GPRIN3: variants seen among roughly 807,000 people sequenced by gnomAD.
GPRIN3 encodes the protein GPRIN family member 3, also known as G protein-regulated inducer of neurite outgrowth 3.
GPRIN3 carries 12 observed loss-of-function variants against 13.7 expected under a neutral mutation model. The ratio of observed to expected loss-of-function variants is 0.87; its 90% confidence interval spans 0.56 to 1.42. The LOEUF is 1.42. Ranked by LOEUF, GPRIN3 falls within the 40% of genes most tolerant of loss-of-function variation. GPRIN3 has a pLI of 0.00. For missense variants in GPRIN3, 1,009 were observed against 958.7 expected (o/e 1.05, Z -0.69); for synonymous variants, 377 against 372.7 (o/e 1.01, Z -0.13).
chr4:89,278,028 A>C (rs1290078113), intron 1 of GPRIN3, among the ~76,000 whole-genome samples: 1 of 152,034 alleles, frequency 6.6e-6, no homozygotes, highest in Non-Finnish European at 1.5e-5. Flanking sequence ...TCAGTTAGCT[A>C]TTGCTGCAAT....
chr4:89,295,951 T>C (rs1169478320), intron 1 of GPRIN3, among the ~76,000 whole-genome samples: 1 of 152,216 alleles, frequency 6.6e-6, no homozygotes, highest in East Asian at 1.9e-4. Flanking sequence ...TTTGATGTAC[T>C]TGTTATATTA....
chr4:89,299,557 G>T (rs1724837070), intron 1 of GPRIN3, among the ~76,000 whole-genome samples: 1 of 152,144 alleles, frequency 6.6e-6, no homozygotes, highest in African/African-American at 2.4e-5. Context: ...CAACCCTGAT[G>T]CAGTCACCTC....
rs1467460731 is a variant in GPRIN3 at position 89,238,934 on chromosome 4, G to A, written c.*8846C>T. 1 of 152,078 alleles carries A rather than the reference G, an allele frequency of 6.6e-6. No individual in the cohort carries two copies. The highest frequency in any genetic ancestry group is 1.5e-5 in the Non-Finnish European group (1 of 68,000). The allele number at this position is 152,078 out of a possible 1,614,324, so 9.4% of individuals were successfully genotyped here. A position where few individuals can be genotyped will look rare whatever the true frequency, so the allele number is the denominator to read the frequency against. ...CTAAATTTTTTGATGGTAAAACTAA[G>A]TCATTAGTTGAATATCAGAATTTTA... On this transcript the variant is annotated 3_prime_UTR_variant, in exon 2 of 2. Coordinates refer to ENST00000609438, the MANE Select transcript of GPRIN3 (RefSeq NM_198281.3).
At chr4:89,277,077 C>G (rs1437241374) in intron 1 of GPRIN3, among the ~76,000 whole-genome samples, 1 of 152,064 alleles carries the variant, frequency 6.6e-6, no homozygotes, top group African/African-American at 2.4e-5. Flanking sequence ...GAGGAGTCTT[C>G]AGTCCAAACA....
chr4:89,259,695 C>A (rs1334517440), intron 1 of GPRIN3, among the ~76,000 whole-genome samples: 2 of 152,244 alleles, frequency 1.3e-5, no homozygotes, highest in Non-Finnish European at 2.9e-5. Context: ...TGCCACACTG[C>A]CCCCCTCTAC....
At chr4:89,286,154 A>G (rs999883023) in intron 1 of GPRIN3, among the ~76,000 whole-genome samples, 2 of 151,924 alleles carry the variant, frequency 1.3e-5, no homozygotes, top group African/African-American at 2.4e-5. Flanking sequence ...AAAAATTAAG[A>G]AAAATAATGC....
At position 89,240,090 on chromosome 4, in the gene GPRIN3, A is replaced by G. The variant is rs763482041; in HGVS notation, c.*7690T>C. ...TCCCTAATAGAGCACTTCCTTTGAG[A>G]AAAAATGAGATAAATTCGAACAATA... On this transcript the variant is annotated 3_prime_UTR_variant, in exon 2 of 2. Coordinates refer to ENST00000609438, the MANE Select transcript of GPRIN3 (RefSeq NM_198281.3). 2 of 152,208 alleles carry G rather than the reference A, an allele frequency of 1.3e-5. No individual in the cohort carries two copies. The highest frequency in any genetic ancestry group is 1.5e-5 in the Non-Finnish European group (1 of 68,044). The allele number at this position is 152,208 out of a possible 1,614,324, so 9.4% of individuals were successfully genotyped here.
chr4:89,278,816 A>G (rs770062272), intron 1 of GPRIN3, among the ~76,000 whole-genome samples: 9 of 152,344 alleles, frequency 5.9e-5, no homozygotes, highest in Non-Finnish European at 1.0e-4. Context: ...GTGCAGCTCC[A>G]GAGTCTTAGG....
chr4:89,254,128 G>GGTGT lies in GPRIN3; in HGVS notation c.-123-3899_-123-3896dup, dbSNP rs57642647. Among the ~76,000 whole-genome samples, 283 of 147,750 alleles carry GGTGT rather than the reference G, an allele frequency of 1.9e-3. 1 individual carries two copies. Among genetic ancestry groups the GGTGT allele is most frequent in the African/African-American group, 6.3e-3 (253 of 40,080 alleles). ...TCTACAGAAGGGTGTGTTGCATCTG[G>GGTGT]GTGTGTGTGTGTGTGTGTGTGTGGA... On this transcript the variant is annotated intron_variant, in intron 1 of 1. Transcript: ENST00000609438.
intron 1 of GPRIN3, among the ~76,000 whole-genome samples, chr4:89,303,067 C>T (rs1478090606): frequency 1.3e-5 from 2 of 152,048 alleles, no homozygotes; most frequent in East Asian, 1.9e-4. Context: ...TTCAGGAACA[C>T]AAGTAAAGGT....
Position 89,242,100 on chromosome 4 carries a change from T to C in GPRIN3, c.*5680A>G, listed in dbSNP as rs1427779000. Reference sequence around the variant, plus strand: ...GGGTATCTCATCATAATTATCACCATGCAGGTTGATCATCAATATCCTTTT... The same window carrying C: ...GGGTATCTCATCATAATTATCACCACGCAGGTTGATCATCAATATCCTTTT... On this transcript the variant is annotated 3_prime_UTR_variant, in exon 2 of 2. Coordinates refer to ENST00000609438, the MANE Select transcript of GPRIN3 (RefSeq NM_198281.3). 1 of 152,204 alleles carries C rather than the reference T, an allele frequency of 6.6e-6. No homozygotes were observed. The highest frequency in any genetic ancestry group is 1.5e-5 in the Non-Finnish European group (1 of 68,020). 9.4% of individuals were successfully genotyped at this position (152,204 alleles called of 1,614,324 possible). A position where few individuals can be genotyped will look rare whatever the true frequency, so the allele number is the denominator to read the frequency against.
At chr4:89,304,833 T>C (rs1424504726) in intron 1 of GPRIN3, among the ~76,000 whole-genome samples, 1 of 152,204 alleles carries the variant, frequency 6.6e-6, no homozygotes, top group African/African-American at 2.4e-5. Context: ...TCTACATAAT[T>C]CAAACCTCTA....
chr4:89,270,565 T>A (rs912753165), intron 1 of GPRIN3, among the ~76,000 whole-genome samples: 5 of 82,342 alleles, frequency 6.1e-5, no homozygotes, highest in Admixed American at 1.5e-4. Flanking sequence ...TGTATATAAT[T>A]TATATATATA....
chr4:89,294,641 T>G (rs1724681025), intron 1 of GPRIN3, among the ~76,000 whole-genome samples: 1 of 152,168 alleles, frequency 6.6e-6, no homozygotes, highest in Non-Finnish European at 1.5e-5. Flanking sequence ...CAGCTTCCTG[T>G]TTTTTACAAA....
intron 1 of GPRIN3, among the ~76,000 whole-genome samples, chr4:89,275,503 A>T (rs745663695): frequency 3.9e-5 from 6 of 152,198 alleles, no homozygotes; most frequent in Admixed American, 2.0e-4. Flanking sequence ...ATCAAAACAT[A>T]CATAAAAGAC....
At chr4:89,306,694 C>A (rs1725042312) in intron 1 of GPRIN3, among the ~76,000 whole-genome samples, 1 of 152,118 alleles carries the variant, frequency 6.6e-6, no homozygotes, top group African/African-American at 2.4e-5. Context: ...TTGCCTTTTG[C>A]CCACCTCCTC....
chr4:89,272,793 C>T (rs1198241764), intron 1 of GPRIN3, among the ~76,000 whole-genome samples: 2 of 152,168 alleles, frequency 1.3e-5, no homozygotes, highest in Non-Finnish European at 2.9e-5. Context: ...TAAAACAACA[C>T]TTATCTTCTG....
chr4:89,287,619 G>A (rs1318264786), intron 1 of GPRIN3, among the ~76,000 whole-genome samples: 2 of 152,122 alleles, frequency 1.3e-5, no homozygotes, highest in Non-Finnish European at 2.9e-5. Flanking sequence ...ATGGGCTGGG[G>A]CTTGGGATAC....
chr4:89,294,096 T>C (rs1347352118), intron 1 of GPRIN3, among the ~76,000 whole-genome samples: 3 of 152,180 alleles, frequency 2.0e-5, no homozygotes, highest in Non-Finnish European at 2.9e-5. Flanking sequence ...GGGAGTCTGC[T>C]CCATAACCAG....
Sources: allele counts gnomAD v4.1 joint callset (sites outside exome capture counted in the v4.1 genomes callset), GRCh38; gene constraint gnomAD v4.1.1; transcripts MANE v1.5; gene names NCBI Gene and HGNC (gene_info 2026-07-23, HGNC 2026-07-21).